Variants in CCDC7 observed in about 807,000 individuals in gnomAD.
The protein encoded by CCDC7 is coiled-coil domain-containing protein 7.
Under a neutral mutation model 196.9 loss-of-function variants are expected in CCDC7, and 183 were observed. The observed-to-expected ratio is 0.93, with a 90% CI of 0.82 to 1.05. The LOEUF is 1.05. CCDC7 is among the 50% of genes least tolerant of loss of function. The pLI is 0.00. For missense variants in CCDC7, 1,540 were observed against 1,482.2 expected (o/e 1.04, Z -0.64); for synonymous variants, 525 against 484.6 (o/e 1.08, Z -1.10).
chr10:32,703,108 A>C (rs540271425), intron 24 of CCDC7, among the ~76,000 whole-genome samples: 9 of 152,170 alleles, frequency 5.9e-5, no homozygotes, highest in Non-Finnish European at 8.8e-5. Context: ...TCTTCCTAGC[A>C]TTGATGGTCT....
At chr10:32,785,323 T>A (rs1438170324) in intron 29 of CCDC7, among the ~76,000 whole-genome samples, 1 of 152,144 alleles carries the variant, frequency 6.6e-6, no homozygotes, top group African/African-American at 2.4e-5. Context: ...AACTAAATGA[T>A]AAAAAAGATA....
chr10:32,719,574 T>G (rs995508024), intron 25 of CCDC7, among the ~76,000 whole-genome samples: 3 of 152,130 alleles, frequency 2.0e-5, no homozygotes, highest in Non-Finnish European at 2.9e-5. Flanking sequence ...ATCATCAGCA[T>G]GAACAGGCAA....
At chr10:32,481,739 A>G (rs1385645983) in intron 8 of CCDC7, 5 of 152,194 alleles carry the variant, frequency 3.3e-5, no homozygotes, top group African/African-American at 1.2e-4. Flanking sequence ...AGCTTTTGTC[A>G]GAGAAAGTAT....
chr10:32,783,417 A>G (rs1211627272), intron 29 of CCDC7, among the ~76,000 whole-genome samples: 1 of 152,230 alleles, frequency 6.6e-6, no homozygotes, highest in African/African-American at 2.4e-5. Context: ...ACTTAGCATC[A>G]TTGGCCATTA....
At chr10:32,716,072 G>T (rs907379432) in intron 25 of CCDC7, among the ~76,000 whole-genome samples, 1 of 152,050 alleles carries the variant, frequency 6.6e-6, no homozygotes, top group Non-Finnish European at 1.5e-5. Context: ...GATACTCCCC[G>T]AGTAGAGCAA....
At chr10:32,566,994 A>AT (rs1456834414) in intron 14 of CCDC7, among the ~76,000 whole-genome samples, 8 of 102,290 alleles carry the variant, frequency 7.8e-5, no homozygotes, top group Non-Finnish European at 1.1e-4. Context: ...ATTTATATAT[A>AT]AAAAAATATC....
exon 34 of CCDC7, chr10:32,845,265 A>G (rs1209707432): frequency 6.4e-7 from 1 of 1,572,070 alleles, no homozygotes; most frequent in Non-Finnish European, 8.6e-7. Flanking sequence ...AACACTTAGC[A>G]GATGATACTG....
chr10:32,459,382 G>C (rs2035095761), intron 3 of CCDC7, among the ~76,000 whole-genome samples: 1 of 152,012 alleles, frequency 6.6e-6, no homozygotes, highest in Non-Finnish European at 1.5e-5. Flanking sequence ...CCTCTAGAGA[G>C]CTCAAAACAG....
intron 18 of CCDC7, among the ~76,000 whole-genome samples, chr10:32,632,415 G>A (rs2065005569): frequency 6.6e-6 from 1 of 151,554 alleles, no homozygotes; most frequent in Middle Eastern, 3.4e-3. Flanking sequence ...AACCAAGCCA[G>A]CATGGGATTG....
Position 32,475,287 on chromosome 10 carries a change from A to G in CCDC7, c.796+1264A>G, listed in dbSNP as rs12784165. 2.8e-3 allele frequency among the ~76,000 whole-genome samples: 422 copies of G among 152,286 alleles called. 3 individuals are homozygous for G. Among genetic ancestry groups the G allele is most frequent in the Non-Finnish European group, 4.4e-3 (301 of 68,006 alleles). On this transcript the variant is annotated intron_variant, in intron 8 of 41. Transcript: ENST00000639629. ...GTGGACTGGCAATTCTAGACAGCAA[A>G]CTGGGGTCATCACAGGGCCTTTCCA...
intron 18 of CCDC7, chr10:32,623,843 G>C (rs1423272416): frequency 3.2e-5 from 15 of 465,508 alleles, no homozygotes; most frequent in Non-Finnish European, 5.3e-5. Context: ...AGAGAGTAAT[G>C]GGAGAGGTGC....
In CCDC7 at chr10:32,486,976, T is replaced by G. The variant is rs190030869; in HGVS notation, c.797-4946T>G. ...AATCTGACAATTATATGTCTTGGAGTTGCTGTTCTCGAGGAATGTCTTTGT... is the reference window on the plus strand; with the variant it reads ...AATCTGACAATTATATGTCTTGGAGGTGCTGTTCTCGAGGAATGTCTTTGT... On this transcript the variant is annotated intron_variant, in intron 8 of 41. Coordinates refer to ENST00000639629, the Ensembl canonical transcript of CCDC7. Among the ~76,000 whole-genome samples, 771 of 152,048 alleles carry G rather than the reference T, an allele frequency of 5.1e-3. 6 individuals are homozygous for G. The highest frequency in any genetic ancestry group is 6.5e-3 in the Non-Finnish European group (439 of 67,992).
At position 32,541,550 on chromosome 10, in the gene CCDC7, C is replaced by T. The variant is rs1052044591; in HGVS notation, c.994-1750C>T. ...GGTGGGTGGAATGGCCAGCTGAGTT[C>T]GGCCCAAAGTGGGCCTGCTAGTCCA... On this transcript the variant is annotated intron_variant, in intron 11 of 41. Coordinates refer to ENST00000639629, the Ensembl canonical transcript of CCDC7. Among the ~76,000 whole-genome samples, 55 of 152,232 alleles carry T rather than the reference C, an allele frequency of 3.6e-4. 2 individuals are homozygous for T. The highest frequency in any genetic ancestry group is 6.2e-4 in the South Asian group (3 of 4,834).
At chr10:32,812,164 T>G (rs1305997856) in intron 30 of CCDC7, among the ~76,000 whole-genome samples, 1 of 152,064 alleles carries the variant, frequency 6.6e-6, no homozygotes, top group Admixed American at 6.6e-5. Context: ...TTGATTTTTA[T>G]GCACACTATA....
Position 32,511,731 on chromosome 10 carries a change from C to A in CCDC7, c.873-6214C>A, listed in dbSNP as rs2046239945. 3.2e-6 allele frequency: 5 copies of A among 1,576,632 alleles called. No individual in the cohort carries two copies. The East Asian group carries it at 1.1e-4, about 35-fold the overall frequency. ...ACTGGATAGTCTTCATTAATTTCTT[C>A]ACCTGCCGTTATGGCTGACTCACGG... On this transcript the variant is annotated intron_variant, in intron 9 of 41. Transcript: ENST00000639629.
chr10:32,670,535 TC>T (rs1434600939), intron 21 of CCDC7, among the ~76,000 whole-genome samples: 86 of 90,110 alleles, frequency 9.5e-4, no homozygotes, highest in African/African-American at 3.7e-3. Flanking sequence ...GTGCTATCCC[TC>T]CCCCCTCCCC....
At chr10:32,683,005 C>A (rs529406890) in intron 21 of CCDC7, among the ~76,000 whole-genome samples, 2 of 152,008 alleles carry the variant, frequency 1.3e-5, no homozygotes, top group East Asian at 1.9e-4. Flanking sequence ...TTAATTAGAT[C>A]CTATTTGTTA....
intron 18 of CCDC7, among the ~76,000 whole-genome samples, chr10:32,594,251 A>G (rs1198490259): frequency 6.6e-6 from 1 of 152,156 alleles, no homozygotes; most frequent in African/African-American, 2.4e-5. Flanking sequence ...GTTCTCTTTG[A>G]AGAGGTCCTT....
chr10:32,797,173 G>T (rs2083724883), intron 29 of CCDC7, among the ~76,000 whole-genome samples: 1 of 146,936 alleles, frequency 6.8e-6, no homozygotes, highest in African/African-American at 2.5e-5. Context: ...GTATATATGT[G>T]TGTGTGTGTA....
Sources: gnomAD v4.1 joint callset for allele counts (sites outside exome capture counted in the v4.1 genomes callset) on GRCh38, gnomAD v4.1.1 for gene constraint, MANE v1.5 for transcripts, NCBI Gene and HGNC (gene_info 2026-07-23, HGNC 2026-07-21) for gene names.